ANKRD28: variants seen among roughly 807,000 people sequenced by gnomAD.
The protein encoded by ANKRD28 is serine/threonine-protein phosphatase 6 regulatory ankyrin repeat subunit A.
Under a neutral mutation model 126.5 loss-of-function variants are expected in ANKRD28, and 44 were observed. The ratio of observed to expected loss-of-function variants is 0.35; its 90% CI spans 0.27 to 0.45. ANKRD28 has a LOEUF of 0.45. Ranked by LOEUF, ANKRD28 falls within the 20% of genes least tolerant of loss-of-function variation. The pLI, the probability that ANKRD28 is intolerant of heterozygous loss-of-function variation, is 1.00. For synonymous variants in ANKRD28, 442 were observed against 468.5 expected, an observed-to-expected ratio of 0.94 and a Z score of 0.73; for missense variants, 1,110 against 1,316.6, an observed-to-expected ratio of 0.84 and a Z score of 2.43.
intron 1 of ANKRD28, among the ~76,000 whole-genome samples, chr3:15,818,514 TC>T (rs2060879353): frequency 6.6e-6 from 1 of 152,106 alleles, no homozygotes; most frequent in African/African-American, 2.4e-5. Context: ...CACAAACACA[TC>T]TAGTCCCAAG....
At chr3:15,695,149 C>T in intron 16 of ANKRD28, 39 bp downstream of exon 16, 1 of 1,522,664 alleles carries the variant, frequency 6.6e-7, no homozygotes, top group Non-Finnish European at 9.1e-7. Flanking sequence ...AGGGAACTGA[C>T]CAATACTAAT....
intron 1 of ANKRD28, among the ~76,000 whole-genome samples, chr3:15,852,832 CAAAAAAAAAAAAAA>C: frequency 1.6e-5 from 1 of 64,010 alleles, no homozygotes; most frequent in South Asian, 8.2e-4. Context: ...GACTCTGTCT[CAAAAAAAAAAAAAA>C]AAAAAAAAAA....
Position 15,686,284 on chromosome 3 carries a change from T to A in ANKRD28, c.1989A>T (p.Leu663Phe), listed in dbSNP as rs1316494282. The A allele has an allele frequency of 1.3e-6, 2 of 1,587,042 alleles. No homozygotes were observed. The highest frequency in any genetic ancestry group is 1.7e-6 in the Non-Finnish European group (2 of 1,165,042). The change falls in exon 19 of 28, where the codon TTA (leucine) becomes TTT (phenylalanine). Residue 663 changes from leucine to phenylalanine, a missense_variant. Physicochemically the swap from Leu to Phe is conservative, Grantham distance 22. Transcript: ENST00000683139. ...GTTCTGCATTTCCTATTAATAGCCG[T>A]AAGCATTCTGAATGACCATTTGTTG... ...AAATNGHSECLRLLIGNAEPQ... is the reference protein window; with the variant it reads ...AAATNGHSECFRLLIGNAEPQ...
chr3:15,713,255 G>A (rs145768824), intron 10 of ANKRD28, among the ~76,000 whole-genome samples: 2 of 152,156 alleles, frequency 1.3e-5, no homozygotes, highest in African/African-American at 2.4e-5. Flanking sequence ...AAAATAAAGA[G>A]ATCACAAAAA....
At chr3:15,848,457 T>C (rs1559596547) in intron 1 of ANKRD28, among the ~76,000 whole-genome samples, 1 of 152,112 alleles carries the variant, frequency 6.6e-6, no homozygotes, top group Admixed American at 6.6e-5. Context: ...GGAGGATCAC[T>C]TGAGCCCAAA....
At chr3:15,710,103 T>C (rs935896485) in intron 12 of ANKRD28, among the ~76,000 whole-genome samples, 8 of 151,270 alleles carry the variant, frequency 5.3e-5, no homozygotes, top group African/African-American at 1.7e-4. Context: ...GATGCAACCA[T>C]AGCTAACGGC....
At chr3:15,850,257 A>AGAGAGAGG (rs1178647268) in intron 1 of ANKRD28, among the ~76,000 whole-genome samples, 1 of 141,858 alleles carries the variant, frequency 7.0e-6, no homozygotes, top group Non-Finnish European at 1.5e-5. Flanking sequence ...AGAGAGAGAG[A>AGAGAGAGG]GAGAGAAAGT....
rs773103830 is a variant in ANKRD28, at chr3:15,853,615, G to A, written c.27+5762C>T. ...CTCTCGAGTAGCTGGGACTACAGGC[G>A]CCCGCCACCACGCCTGGCTAATTTT... On this transcript the variant is annotated intron_variant, in intron 1 of 27. Coordinates refer to the ANKRD28 transcript ENST00000399451. The surrounding 1 kb of genome is among the most constrained non-coding windows in gnomAD (Gnocchi z 4.2). 1.2e-4 allele frequency among the ~76,000 whole-genome samples: 18 copies of A among 151,838 alleles called. No individual in the cohort carries two copies. The highest frequency in any genetic ancestry group is 5.8e-4 in the East Asian group (3 of 5,172).
At chr3:15,671,874 T>G (rs373031244) in intron 27 of ANKRD28, among the ~76,000 whole-genome samples, 1 of 152,030 alleles carries the variant, frequency 6.6e-6, no homozygotes, top group African/African-American at 2.4e-5. Context: ...GTGAACCACC[T>G]TACCCAGCCT....
chr3:15,784,454 A>T (rs1433162779), intron 2 of ANKRD28, among the ~76,000 whole-genome samples: 1 of 151,952 alleles, frequency 6.6e-6, no homozygotes, highest in Non-Finnish European at 1.5e-5. Context: ...TGACAGCTAG[A>T]TGTCCATTAG....
At chr3:15,785,453 A>C (rs1192200343) in intron 2 of ANKRD28, among the ~76,000 whole-genome samples, 1 of 152,148 alleles carries the variant, frequency 6.6e-6, no homozygotes, top group African/African-American at 2.4e-5. Flanking sequence ...GCAAATAAGC[A>C]TATGAAAAGA....
At chr3:15,716,475 A>G (rs1575350536) in intron 8 of ANKRD28, among the ~76,000 whole-genome samples, 2 of 151,534 alleles carry the variant, frequency 1.3e-5, no homozygotes, top group Non-Finnish European at 1.5e-5. Flanking sequence ...TTTTGTAGAG[A>G]TGGTCTCTAA....
chr3:15,750,826 A>G (rs1201199890), intron 4 of ANKRD28, among the ~76,000 whole-genome samples: 2 of 152,200 alleles, frequency 1.3e-5, no homozygotes, highest in Non-Finnish European at 2.9e-5. Flanking sequence ...AGCTACACTT[A>G]GGAGTTCCTT....
chr3:15,813,153 C>T, intron 1 of ANKRD28, among the ~76,000 whole-genome samples: 1 of 151,590 alleles, frequency 6.6e-6, no homozygotes. Context: ...CACTTTTGAG[C>T]CCAGGTGTTC....
rs1178899561 is a variant in ANKRD28, at chr3:15,808,705, T to C, written c.28-13399A>G. ...GCTTTGGTTTAACCTTCTGTTCCTT[T>C]ATTTTGGCCTATAGAAAGCTTTCCT... On this transcript the variant is annotated intron_variant, in intron 1 of 27. Coordinates refer to the ANKRD28 transcript ENST00000399451. Among the ~76,000 whole-genome samples, 4 of 152,206 alleles carry C rather than the reference T, an allele frequency of 2.6e-5. No homozygotes were observed. The East Asian group carries it at 7.7e-4, about 29-fold the overall frequency.
rs768812169 is a variant in ANKRD28, at chr3:15,712,235, G to C, written c.1191-13C>G. 1.9e-6 allele frequency: 3 copies of C among 1,553,134 alleles called. No individual in the cohort carries two copies. In the South Asian group the frequency reaches 3.5e-5, roughly 18 times the overall value. ...ATGTATGCCACGCCTAAAGTTAATA[G>C]AACAGGACAGTATCTTCATTTTAAC... On this transcript the variant is annotated splice_polypyrimidine_tract_variant and intron_variant, in intron 10 of 27. Coordinates refer to ENST00000683139, the MANE Select transcript of ANKRD28 (RefSeq NM_001349278.2).
chr3:15,707,272 G>C (rs1042367039), intron 14 of ANKRD28, among the ~76,000 whole-genome samples: 1 of 151,912 alleles, frequency 6.6e-6, no homozygotes, highest in African/African-American at 2.4e-5. Context: ...AAAAAAATAT[G>C]TATCAAGGTA....
In ANKRD28 at chr3:15,677,011, T is replaced by C. The variant is rs1206843228; in HGVS notation, c.2836A>G (p.Arg946Gly). The change falls in exon 26 of 28, where the codon AGA becomes GGA. Residue 946 changes from arginine (R) to glycine (G), a missense_variant. Arg to Gly is a moderately radical substitution (Grantham distance 125). Transcript: ENST00000683139. ...ALLILEKITD[R>G]NLINATNAAL... ...GCGTTGGTTGCATTGATGAGGTTTC[T>C]ATCTGTTATCTTTTCCAGTATTAAC... The C allele has an allele frequency of 2.9e-5, 47 of 1,613,348 alleles. No homozygotes were observed. The highest frequency in any genetic ancestry group is 3.7e-5 in the Non-Finnish European group (44 of 1,179,614).
intron 1 of ANKRD28, among the ~76,000 whole-genome samples, chr3:15,855,672 G>C (rs778609410): frequency 1.3e-5 from 2 of 152,132 alleles, no homozygotes; most frequent in African/African-American, 4.8e-5. Flanking sequence ...AAGTGAATGA[G>C]ACACAAAAGG....
Sources: allele counts gnomAD v4.1 joint callset (sites outside exome capture counted in the v4.1 genomes callset), GRCh38; gene constraint gnomAD v4.1.1; non-coding constraint Gnocchi (gnomAD v3.1); transcripts MANE v1.5; gene names NCBI Gene and HGNC (gene_info 2026-07-23, HGNC 2026-07-21).